The following PCNT variants were observed in gnomAD, a reference collection of about 807,000 sequenced individuals.
PCNT encodes kendrin.
A neutral mutation model predicts 380.4 loss-of-function variants in PCNT; 319 were observed. The ratio of observed to expected loss-of-function variants is 0.84; its 90% CI spans 0.77 to 0.92. The LOEUF (loss-of-function observed/expected upper bound fraction) is 0.92. PCNT is among the 40% of genes least tolerant of loss of function. The pLI is 0.00. For synonymous variants in PCNT, 1,845 were observed against 1,735.2 expected (o/e 1.06, Z -1.57); for missense variants, 4,400 against 4,255.3 (o/e 1.03, Z -0.95).
intron 30 of PCNT, among the ~76,000 whole-genome samples, chr21:46,417,695 A>G (rs2087087639): frequency 6.6e-6 from 1 of 151,948 alleles, no homozygotes; most frequent in South Asian, 2.1e-4. Context: ...GAGCCCAGGA[A>G]TTTGAGACCA....
At chr21:46,357,542 A>G (rs1307842375) in intron 13 of PCNT, among the ~76,000 whole-genome samples, 1 of 152,138 alleles carries the variant, frequency 6.6e-6, no homozygotes, top group East Asian at 1.9e-4. Context: ...CCTGATTTCA[A>G]GTGGTCCCCT....
At chr21:46,413,918 T>G (rs955981594) in intron 29 of PCNT, among the ~76,000 whole-genome samples, 13 of 151,982 alleles carry the variant, frequency 8.6e-5, no homozygotes, top group African/African-American at 3.1e-4. Flanking sequence ...CCAGTGCCCC[T>G]AGGAAACACC....
In PCNT at chr21:46,416,263, T is replaced by G; in HGVS notation, c.6345T>G (p.Cys2115Trp). The G allele has an allele frequency of 6.2e-7, 1 of 1,614,146 alleles. No individual in the cohort carries two copies. The highest frequency in any genetic ancestry group is 8.5e-7 in the Non-Finnish European group (1 of 1,180,014). Residue 2115 changes from cysteine (C) to tryptophan (W), a missense_variant, in exon 30 of 47, where the codon TGT becomes TGG. Physicochemically the swap from Cys to Trp is radical, Grantham distance 215 (BLOSUM62 -2). Transcript: ENST00000359568. ...AGAGCAGCTGGAGTGATGATTCCTG[T>G]GACGGAGAAGAGCCTGACATATCAC... is the stretch of plus-strand genomic sequence containing the variant. ...LLESSWSDDS[C>W]DGEEPDISPH...
In PCNT at chr21:46,367,074, C is replaced by T. The variant is rs765441517; in HGVS notation, c.3100C>T (p.Leu1034=). The T allele has an allele frequency of 1.9e-6, 3 of 1,613,912 alleles. No homozygotes were observed. Among genetic ancestry groups the T allele is most frequent in the Middle Eastern group, 1.6e-4 (1 of 6,062 alleles). The change falls in exon 15 of 47, where the codon CTG becomes TTG. Residue 1034 remains leucine, a synonymous_variant. Transcript: ENST00000359568. Reference sequence around the variant, plus strand: ...GGAGCTACAGTCTGTGCGGGACCACCTGCGAACCGAAGTGAGCACAGAGCT... The same window carrying T: ...GGAGCTACAGTCTGTGCGGGACCACTTGCGAACCGAAGTGAGCACAGAGCT... ...EGELQSVRDH[L]RTEVSTELAG...
At position 46,385,696 on chromosome 21, in the gene PCNT, C is replaced by T. The variant is rs1047152373; in HGVS notation, c.3313-136C>T. 12 of 931,920 alleles carry T rather than the reference C, an allele frequency of 1.3e-5. No individual in the cohort carries two copies. The African/African-American group carries it at 1.6e-4, about 13-fold the overall frequency. The allele number at this position is 931,920 out of a possible 1,614,324, so 57.7% of individuals were successfully genotyped here. A position where few individuals can be genotyped will look rare whatever the true frequency, so the allele number is the denominator to read the frequency against. Reference sequence around the variant, plus strand: ...CGAGGAACGTGCCGAAGTGCCTGCTCCTTTTGCCCCATCACCAAGCTGAAA... The same window carrying T: ...CGAGGAACGTGCCGAAGTGCCTGCTTCTTTTGCCCCATCACCAAGCTGAAA... On this transcript the variant is annotated intron_variant, in intron 16 of 46. Coordinates refer to ENST00000359568, the MANE Select transcript of PCNT (RefSeq NM_006031.6).
At position 46,425,681 on chromosome 21, in the gene PCNT, C is replaced by A; in HGVS notation, c.7180-150C>A. ...AACCTTGTAGCTTGAGAAGTGGGTG[C>A]CGCCTGTACGAAGCCGAGGCGGTGC... On this transcript the variant is annotated intron_variant, in intron 32 of 46. Transcript: ENST00000359568. This position sits in a 1 kb window ranked among gnomAD's most constrained non-coding sequence, Gnocchi z 4.2. 2 of 1,041,830 alleles carry A rather than the reference C, an allele frequency of 1.9e-6. No individual in the cohort carries two copies. The highest frequency in any genetic ancestry group is 2.9e-6 in the Non-Finnish European group (2 of 682,598). 64.5% of individuals were successfully genotyped at this position (1,041,830 alleles called of 1,614,324 possible). A position where few individuals can be genotyped will look rare whatever the true frequency, so the allele number is the denominator to read the frequency against.
chr21:46,347,092 T>G, intron 5 of PCNT, 94 bp downstream of exon 5: 3 of 1,412,322 alleles, frequency 2.1e-6, no homozygotes, highest in Non-Finnish European at 2.9e-6. Flanking sequence ...TGGGGCGCCC[T>G]AGCACCGTCT....
chr21:46,427,905 C>T (rs891941282), intron 34 of PCNT, 110 bp downstream of exon 34: 21 of 1,223,200 alleles, frequency 1.7e-5, no homozygotes, highest in Middle Eastern at 5.2e-4. Context: ...GTGTTTCTCT[C>T]GACCGCTGGA....
intron 16 of PCNT, among the ~76,000 whole-genome samples, chr21:46,382,383 G>A (rs189293914): frequency 6.8e-6 from 1 of 147,172 alleles, no homozygotes; most frequent in East Asian, 2.1e-4. Context: ...AGTGACGGAA[G>A]CGCATTCACA....
At chr21:46,408,859 A>G (rs958123467) in intron 27 of PCNT, among the ~76,000 whole-genome samples, 2 of 151,188 alleles carry the variant, frequency 1.3e-5, no homozygotes, top group African/African-American at 4.9e-5. Context: ...AGTAGCTGGG[A>G]TTACAGGCGC....
chr21:46,376,507 G>C (rs2085336692), intron 15 of PCNT, among the ~76,000 whole-genome samples: 1 of 152,250 alleles, frequency 6.6e-6, no homozygotes, highest in Non-Finnish European at 1.5e-5. Context: ...CCCGTCCACT[G>C]TGTCTGAGCA....
In PCNT at chr21:46,357,015, T is replaced by C. The variant is rs748570160; in HGVS notation, c.1978T>C (p.Leu660=). ...TCTCCAGGGTGTGCAGGACGGGGAC[T>C]TGGAGGCCGACACAGAGCGGGCAGC... ...VHLQGVQDGD[L]EADTERAARV... The change falls in exon 13 of 47, where the codon TTG becomes CTG. Residue 660 remains leucine, a synonymous_variant. Coordinates refer to ENST00000359568, the MANE Select transcript of PCNT (RefSeq NM_006031.6). The C allele has an allele frequency of 6.8e-6, 11 of 1,614,178 alleles. No individual in the cohort carries two copies. The South Asian group carries it at 1.1e-4, about 16-fold the overall frequency.
In PCNT at chr21:46,359,330, G is replaced by A. The variant is rs1268769920; in HGVS notation, c.2154+2139G>A. Among the ~76,000 whole-genome samples the A allele has an allele frequency of 1.4e-5, 2 of 145,334 alleles. 1 individual carries two copies. Among genetic ancestry groups the A allele is most frequent in the Non-Finnish European group, 3.1e-5 (2 of 65,050 alleles). ...TACCTCCTTATATCAATTATGGGGA[G>A]AGGACTGTGGATTTCTCTCTTGTTA... On this transcript the variant is annotated intron_variant, in intron 13 of 46. Transcript: ENST00000359568.
chr21:46,373,006 T>C (rs1212312887), intron 15 of PCNT, among the ~76,000 whole-genome samples: 1 of 151,816 alleles, frequency 6.6e-6, no homozygotes, highest in Non-Finnish European at 1.5e-5. Context: ...TGTACTTTTG[T>C]TCTTCTAGGG....
chr21:46,381,800 T>C lies in PCNT; in HGVS notation c.3272T>C (p.Leu1091Ser). The C allele has an allele frequency of 6.2e-7, 1 of 1,614,240 alleles. No homozygotes were observed. The change falls in exon 16 of 47, where the codon TTG becomes TCG. Residue 1091 changes from leucine to serine, a missense_variant. Coordinates refer to ENST00000359568, the MANE Select transcript of PCNT (RefSeq NM_006031.6). ...QPFHQEEKES[L>S]SLQLQKKNHQ... ...TTTCACCAAGAGGAGAAAGAGTCTT[T>C]GTCTCTGCAGCTTCAAAAGAAGAAT...
In PCNT at chr21:46,416,762, G is replaced by A. The variant is rs747273657; in HGVS notation, c.6844G>A (p.Val2282Met). The part of the protein sequence containing the change: ...QGPGLLCSPG[V>M]SAAALALQWA... ...GCCGGGGCTGCTTTGTTCCCCAGGC[G>A]TGTCTGCAGCAGCGCTGGCACTGCA... Residue 2282 changes from valine (V) to methionine (M), a missense_variant, in exon 30 of 47, where the codon GTG (valine) becomes ATG (methionine). Coordinates refer to ENST00000359568, the MANE Select transcript of PCNT (RefSeq NM_006031.6). 101 of 1,604,046 alleles carry A rather than the reference G, an allele frequency of 6.3e-5. No homozygotes were observed. The highest frequency in any genetic ancestry group is 3.6e-4 in the South Asian group (33 of 90,644).
chr21:46,351,862 C>T (rs138585005), intron 9 of PCNT, among the ~76,000 whole-genome samples: 14 of 152,322 alleles, frequency 9.2e-5, no homozygotes, highest in Admixed American at 5.2e-4. Context: ...CTCGGAAGGA[C>T]GGTTGAGTGC....
rs986017471 is a variant in PCNT at position 46,445,573 on chromosome 21, C to G, written c.*246C>G. On this transcript the variant is annotated 3_prime_UTR_variant, in exon 47 of 47. Transcript: ENST00000359568. ...CTTCGTGAGGTGACGGGCACTCACTCCCATGAGCCCTGGCTGTGTGCTGTT... is the reference window on the plus strand; with the variant it reads ...CTTCGTGAGGTGACGGGCACTCACTGCCATGAGCCCTGGCTGTGTGCTGTT... The G allele has an allele frequency of 4.8e-5, 27 of 559,020 alleles. No individual in the cohort carries two copies. Among genetic ancestry groups the G allele is most frequent in the African/African-American group, 4.7e-4 (25 of 52,982 alleles). 34.6% of individuals were successfully genotyped at this position (559,020 alleles called of 1,614,324 possible).
At chr21:46,353,018 C>T (rs2084332174) in intron 9 of PCNT, 86 bp from the exon 10 acceptor site, 7 of 1,113,806 alleles carry the variant, frequency 6.3e-6, no homozygotes, top group South Asian at 1.3e-5. Flanking sequence ...TCTGCCCCCA[C>T]CACAGGTAAC....
Sources: gnomAD v4.1 joint callset for allele counts (sites outside exome capture counted in the v4.1 genomes callset) on GRCh38, gnomAD v4.1.1 for gene constraint, Gnocchi (gnomAD v3.1) non-coding constraint, MANE v1.5 for transcripts, NCBI Gene and HGNC (gene_info 2026-07-23, HGNC 2026-07-21) for gene names.